Variants in KATNIP observed in about 807,000 individuals in gnomAD.
KATNIP encodes the protein katanin interacting protein.
A neutral mutation model predicts 174.0 loss-of-function variants in KATNIP; 126 were observed. That is an observed-to-expected ratio of 0.72 (90% CI 0.63 to 0.84). The LOEUF (loss-of-function observed/expected upper bound fraction) is 0.84. KATNIP is among the 40% of genes least tolerant of loss of function. The pLI, the probability that KATNIP is intolerant of heterozygous loss-of-function variation, is 0.00. For synonymous variants in KATNIP, 810 were observed against 835.7 expected (o/e 0.97, Z 0.53); for missense variants, 1,958 against 2,109.7 (o/e 0.93, Z 1.41).
At chr16:27,586,754 G>A (rs1199719831) in intron 2 of KATNIP, among the ~76,000 whole-genome samples, 2 of 151,176 alleles carry the variant, frequency 1.3e-5, no homozygotes, top group East Asian at 1.9e-4. Flanking sequence ...ACCTGAGCCC[G>A]GGAGATTGAG....
intron 14 of KATNIP, chr16:27,727,639 G>C (rs945953338): frequency 6.6e-6 from 1 of 152,230 alleles, no homozygotes; most frequent in Non-Finnish European, 1.5e-5. Context: ...CTTTAGGTGG[G>C]CTCAACTCAT....
chr16:27,587,473 C>G (rs2090945491), intron 2 of KATNIP, among the ~76,000 whole-genome samples: 1 of 152,134 alleles, frequency 6.6e-6, no homozygotes, highest in Admixed American at 6.5e-5. Flanking sequence ...CAGAAAGGTA[C>G]AAAAATGGTT....
At chr16:27,578,126 C>T (rs940292836) in intron 2 of KATNIP, among the ~76,000 whole-genome samples, 1 of 152,086 alleles carries the variant, frequency 6.6e-6, no homozygotes, top group East Asian at 1.9e-4. Flanking sequence ...TTCCAATGTG[C>T]AGCCATGCAT....
chr16:27,585,061 T>G (rs2090842320), intron 2 of KATNIP, among the ~76,000 whole-genome samples: 4 of 152,118 alleles, frequency 2.6e-5, no homozygotes, highest in African/African-American at 9.7e-5. Context: ...CCCAAACTCC[T>G]GTGACCACAG....
chr16:27,554,189 T>A (rs1440348930), intron 1 of KATNIP, among the ~76,000 whole-genome samples: 3 of 152,136 alleles, frequency 2.0e-5, no homozygotes, highest in Non-Finnish European at 4.4e-5. Context: ...CACAGCCAGA[T>A]GGGGTGGCTC....
intron 2 of KATNIP, among the ~76,000 whole-genome samples, chr16:27,596,345 G>A (rs1192606607): frequency 2.6e-5 from 4 of 152,100 alleles, no homozygotes; most frequent in Non-Finnish European, 4.4e-5. Flanking sequence ...CTAAGTCTTG[G>A]TCTGAGCTGT....
Position 27,740,742 on chromosome 16 carries a change from G to C in KATNIP, c.2445G>C (p.Gly815=). ...DKGLRHEPGW[G]TSRSVNTKER... is the part of the protein sequence containing the mutation. The stretch of plus-strand genomic sequence containing the variant: ...GCCTACGGCATGAGCCAGGGTGGGG[G>C]ACCAGCCGGAGTGTCAACACCAAGG... The change falls in exon 15 of 28, where the codon GGG becomes GGC. Residue 815 remains glycine (G), a synonymous_variant. Coordinates refer to ENST00000261588, the MANE Select transcript of KATNIP (RefSeq NM_015202.5). 1 of 1,614,190 alleles carries C rather than the reference G, an allele frequency of 6.2e-7. No individual in the cohort carries two copies.
intron 11 of KATNIP, 64 bp downstream of exon 11, chr16:27,701,759 A>T: frequency 8.9e-7 from 1 of 1,121,530 alleles, no homozygotes; most frequent in South Asian, 1.3e-5. Context: ...GATCTTCTTC[A>T]TGAGGGTTCT....
chr16:27,711,272 C>G (rs2079562528), intron 13 of KATNIP, among the ~76,000 whole-genome samples: 1 of 152,128 alleles, frequency 6.6e-6, no homozygotes. Context: ...ATTCTTTTCT[C>G]AGACTTGAGG....
intron 5 of KATNIP, chr16:27,644,718 A>G (rs2076909480): frequency 6.6e-6 from 1 of 152,116 alleles, no homozygotes; most frequent in Non-Finnish European, 1.5e-5. Flanking sequence ...TATGTTGCCC[A>G]GACTGGTTTC....
intron 14 of KATNIP, among the ~76,000 whole-genome samples, chr16:27,724,019 GTTGT>G (rs1373478592): frequency 6.6e-5 from 10 of 152,338 alleles, no homozygotes; most frequent in African/African-American, 2.4e-4. Flanking sequence ...GATCGTTGAG[GTTGT>G]TTGTTTGCTT....
intron 6 of KATNIP, among the ~76,000 whole-genome samples, chr16:27,677,519 A>G (rs1019924727): frequency 1.1e-4 from 16 of 151,586 alleles, no homozygotes; most frequent in Admixed American, 1.1e-3. Flanking sequence ...CACAGTTAAT[A>G]TTAACAACAT....
At chr16:27,593,128 C>T (rs1216358994) in intron 2 of KATNIP, among the ~76,000 whole-genome samples, 1 of 152,126 alleles carries the variant, frequency 6.6e-6, no homozygotes, top group Admixed American at 6.5e-5. Flanking sequence ...TTCTTTCTTT[C>T]TCAGTTCACC....
rs770905277 is a variant in KATNIP at position 27,740,735 on chromosome 16, G to A, written c.2438G>A (p.Gly813Glu). The change falls in exon 15 of 28, where the codon GGG becomes GAG. Residue 813 changes from glycine (G) to glutamate (E), a missense_variant. By Grantham distance (98) the Gly-to-Glu change is moderately conservative. Coordinates refer to ENST00000261588, the MANE Select transcript of KATNIP (RefSeq NM_015202.5). Reference sequence around the variant, plus strand: ...GATAAAGGCCTACGGCATGAGCCAGGGTGGGGGACCAGCCGGAGTGTCAAC... The same window carrying A: ...GATAAAGGCCTACGGCATGAGCCAGAGTGGGGGACCAGCCGGAGTGTCAAC... Reference protein sequence around the residue: ...ARDKGLRHEPGWGTSRSVNTK... With the variant: ...ARDKGLRHEPEWGTSRSVNTK... 1.9e-6 allele frequency: 3 copies of A among 1,614,200 alleles called. No homozygotes were observed. The South Asian group carries it at 3.3e-5, about 18-fold the overall frequency.
intron 15 of KATNIP, among the ~76,000 whole-genome samples, chr16:27,749,239 T>G (rs1312487233): frequency 6.6e-6 from 1 of 152,202 alleles, no homozygotes; most frequent in Non-Finnish European, 1.5e-5. Context: ...ATGCTTTGTG[T>G]TTTTGCAAAA....
chr16:27,760,804 T>C (rs2081924237), intron 18 of KATNIP, among the ~76,000 whole-genome samples: 1 of 152,040 alleles, frequency 6.6e-6, no homozygotes, highest in Admixed American at 6.5e-5. Context: ...GACCAGGGCT[T>C]GGAAAGGGAA....
At chr16:27,576,184 T>G (rs2090489186) in intron 2 of KATNIP, among the ~76,000 whole-genome samples, 1 of 152,226 alleles carries the variant, frequency 6.6e-6, no homozygotes, top group Middle Eastern at 3.4e-3. Context: ...ACTCTTCCCT[T>G]CTCTCTCTGT....
At chr16:27,564,672 T>G (rs944009382) in intron 1 of KATNIP, among the ~76,000 whole-genome samples, 1 of 151,934 alleles carries the variant, frequency 6.6e-6, no homozygotes, top group Non-Finnish European at 1.5e-5. Flanking sequence ...GGAAGGTAAC[T>G]TAAAGGCCCA....
At position 27,758,002 on chromosome 16, in the gene KATNIP, G is replaced by A. The variant is rs756197631; in HGVS notation, c.3632-3411G>A. 3.9e-4 allele frequency among the ~76,000 whole-genome samples: 59 copies of A among 152,326 alleles called. No individual in the cohort carries two copies. In the Middle Eastern group the frequency reaches 0.01, roughly 26 times the overall value. On this transcript the variant is annotated intron_variant, in intron 18 of 27. Transcript: ENST00000261588. ...GAAATAACAAAATTAATTTCCATTT[G>A]TATAAATACTAATTGATACACCAGA...
Sources: gnomAD v4.1 joint callset for allele counts (sites outside exome capture counted in the v4.1 genomes callset) on GRCh38, gnomAD v4.1.1 for gene constraint, MANE v1.5 for transcripts, NCBI Gene and HGNC (gene_info 2026-07-23, HGNC 2026-07-21) for gene names.